The following SVIL variants were observed in gnomAD, a reference collection of about 807,000 sequenced individuals.
The protein encoded by SVIL is supervillin.
A neutral mutation model predicts 240.4 loss-of-function variants in SVIL; 101 were observed. The observed-to-expected ratio is 0.42, with a 90% CI of 0.36 to 0.50. SVIL has a LOEUF of 0.50. Ranked by LOEUF, SVIL falls within the 20% of genes least tolerant of loss-of-function variation. The probability of loss-of-function intolerance (pLI) is 0.01; values close to 1 mark genes in which losing one functional copy is unlikely to be tolerated. For synonymous variants in SVIL, 999 were observed against 1,100.0 expected (o/e 0.91, Z 1.82); for missense variants, 2,512 against 2,818.7 (o/e 0.89, Z 2.46).
At chr10:29,643,426 C>T (rs1958551814) in intron 3 of SVIL, among the ~76,000 whole-genome samples, 1 of 152,120 alleles carries the variant, frequency 6.6e-6, no homozygotes, top group South Asian at 2.1e-4. Flanking sequence ...GAATCATTTC[C>T]TTTTCCCAAA....
chr10:29,545,853 C>CAAAAAAAAA (rs755360700), intron 6 of SVIL, among the ~76,000 whole-genome samples: 1 of 63,566 alleles, frequency 1.6e-5, no homozygotes, highest in African/African-American at 6.9e-5. Context: ...GACTCTGTCT[C>CAAAAAAAAA]AAAAAAAAAA....
At chr10:29,597,228 G>A (rs573703691) in intron 1 of SVIL, among the ~76,000 whole-genome samples, 79 of 152,214 alleles carry the variant, frequency 5.2e-4, no homozygotes, top group Non-Finnish European at 8.8e-4. Context: ...CTCCTTAAAC[G>A]GGCTGCACTG....
chr10:29,516,698 C>T (rs1950224004), intron 16 of SVIL, among the ~76,000 whole-genome samples: 1 of 152,246 alleles, frequency 6.6e-6, no homozygotes. Context: ...TGTGTGAACC[C>T]AGAGAGAGGC....
At chr10:29,470,878 TC>T (rs1945496658) in intron 31 of SVIL, among the ~76,000 whole-genome samples, 2 of 152,172 alleles carry the variant, frequency 1.3e-5, no homozygotes, top group Non-Finnish European at 2.9e-5. Flanking sequence ...GATTTTTCTT[TC>T]TTCCTAAAAA....
chr10:29,478,924 C>CAAAAAAA (rs71020791), intron 29 of SVIL, among the ~76,000 whole-genome samples: 1 of 63,038 alleles, frequency 1.6e-5, no homozygotes. Flanking sequence ...AACCCTGTCT[C>CAAAAAAA]AAAAAAAAAA....
At chr10:29,529,202 A>G (rs1295447365) in intron 12 of SVIL, among the ~76,000 whole-genome samples, 3 of 145,014 alleles carry the variant, frequency 2.1e-5, no homozygotes, top group South Asian at 2.1e-4. Flanking sequence ...AAAAAAAAAA[A>G]AGAAAAAAAG....
At chr10:29,620,332 G>T (rs903526571) in intron 1 of SVIL, among the ~76,000 whole-genome samples, 1 of 151,950 alleles carries the variant, frequency 6.6e-6, no homozygotes, top group Non-Finnish European at 1.5e-5. Flanking sequence ...AGAAAGAAAA[G>T]AAGGGAAAAG....
At chr10:29,500,767 G>A (rs1948823491) in intron 17 of SVIL, among the ~76,000 whole-genome samples, 1 of 152,156 alleles carries the variant, frequency 6.6e-6, no homozygotes, top group African/African-American at 2.4e-5. Flanking sequence ...GGAAGGACTC[G>A]GAGAGCCCCG....
At chr10:29,697,061 A>T (rs1268670439) in intron 1 of SVIL, among the ~76,000 whole-genome samples, 7 of 116,626 alleles carry the variant, frequency 6.0e-5, no homozygotes, top group South Asian at 3.0e-4. Context: ...CCGGGAGGTG[A>T]GGGGCGCCTC....
intron 3 of SVIL, among the ~76,000 whole-genome samples, chr10:29,656,946 C>T (rs7896888): frequency 0.013 from 1,935 of 152,208 alleles, 43 homozygotes; most frequent in African/African-American, 0.044. Flanking sequence ...TTGGTATTTG[C>T]CAGCACATAT....
chr10:29,613,262 C>T (rs890722892), intron 1 of SVIL, among the ~76,000 whole-genome samples: 8 of 151,760 alleles, frequency 5.3e-5, no homozygotes, highest in African/African-American at 1.9e-4. Context: ...AATCCCTACC[C>T]TCTGGTTTTG....
upstream of SVIL, among the ~76,000 whole-genome samples, chr10:29,638,061 T>C (rs948959673): frequency 6.6e-6 from 1 of 152,204 alleles, no homozygotes; most frequent in African/African-American, 2.4e-5. Flanking sequence ...TGTGATACTA[T>C]TGTATAGCTT....
At chr10:29,637,322 C>A (rs1190984760), upstream of SVIL, among the ~76,000 whole-genome samples, 1 of 151,842 alleles carries the variant, frequency 6.6e-6, no homozygotes, top group Admixed American at 6.6e-5. Flanking sequence ...CTGTCTCTAT[C>A]AAAAATACAG....
intron 1 of SVIL, among the ~76,000 whole-genome samples, chr10:29,720,818 T>C (rs1443891513): frequency 6.6e-6 from 1 of 152,220 alleles, no homozygotes; most frequent in Non-Finnish European, 1.5e-5. Context: ...AGGTAGACTA[T>C]GATAACTTAA....
At chr10:29,688,814 C>T (rs778464024) in intron 1 of SVIL, among the ~76,000 whole-genome samples, 1 of 152,102 alleles carries the variant, frequency 6.6e-6, no homozygotes, top group Non-Finnish European at 1.5e-5. Context: ...TGTTTTAATA[C>T]ACTTATTATG....
rs1947200210 is a variant in SVIL at position 29,484,444 on chromosome 10, T to A, written c.4955+212A>T. Among the ~76,000 whole-genome samples, 1 of 152,188 alleles carries A rather than the reference T, an allele frequency of 6.6e-6. No individual in the cohort carries two copies. The highest frequency in any genetic ancestry group is 2.1e-4 in the South Asian group (1 of 4,832). On this transcript the variant is annotated intron_variant, in intron 27 of 37. Transcript: ENST00000355867. The surrounding 1 kb of genome is among the most constrained non-coding windows in gnomAD (Gnocchi z 4.7). ...TTCAAGAAATCAACTATAACAAACCTCTTCCAGAAGACTACGACATCCATA... is the reference window on the plus strand; with the variant it reads ...TTCAAGAAATCAACTATAACAAACCACTTCCAGAAGACTACGACATCCATA...
At chr10:29,548,741 G>A (rs1952928400) in intron 6 of SVIL, among the ~76,000 whole-genome samples, 1 of 152,134 alleles carries the variant, frequency 6.6e-6, no homozygotes, top group South Asian at 2.1e-4. Context: ...CTGGTTAGTG[G>A]TGCTTCTTCT....
chr10:29,699,922 A>G (rs918128402), intron 1 of SVIL, among the ~76,000 whole-genome samples: 2 of 152,198 alleles, frequency 1.3e-5, no homozygotes, highest in African/African-American at 2.4e-5. Flanking sequence ...CTTTCAACAA[A>G]TGTGGAAGGA....
chr10:29,486,937 C>A (rs1244129893), intron 24 of SVIL, among the ~76,000 whole-genome samples: 1 of 152,150 alleles, frequency 6.6e-6, no homozygotes, highest in Non-Finnish European at 1.5e-5. Flanking sequence ...GGAAGGAACC[C>A]AGGACCTAAA....
Sources: allele counts gnomAD v4.1 joint callset (sites outside exome capture counted in the v4.1 genomes callset), GRCh38; gene constraint gnomAD v4.1.1; non-coding constraint Gnocchi (gnomAD v3.1); transcripts MANE v1.5; gene names NCBI Gene and HGNC (gene_info 2026-07-23, HGNC 2026-07-21).